The following INCENP variants were observed in gnomAD, a reference collection of about 807,000 sequenced individuals.
INCENP encodes the protein binds and activates aurora-B and -C in vivo and in vitro.
A neutral mutation model predicts 107.3 loss-of-function variants in INCENP; 43 were observed. That is an observed-to-expected ratio of 0.40 (90% CI 0.31 to 0.52). INCENP has a LOEUF of 0.52. Among genes scored for constraint, INCENP ranks in the 20% least tolerant of loss-of-function variants. INCENP has a pLI of 0.53. For synonymous variants in INCENP, 488 were observed against 494.4 expected (o/e 0.99, Z 0.17); for missense variants, 1,089 against 1,250.9 (o/e 0.87, Z 1.95).
chr11:62,127,198 A>G (rs1630011), intron 1 of INCENP, among the ~76,000 whole-genome samples: 85,467 of 151,300 alleles, frequency 0.56, 25,565 homozygotes, highest in Non-Finnish European at 0.67. Flanking sequence ...CACCATGACC[A>G]GCTAATTGTA....
At chr11:62,134,991 C>T (rs746054210) in intron 4 of INCENP, among the ~76,000 whole-genome samples, 2 of 151,948 alleles carry the variant, frequency 1.3e-5, no homozygotes, top group Admixed American at 6.6e-5. Context: ...GTGGAGGTTA[C>T]AGTGAGCTGA....
At chr11:62,131,525 A>G (rs1170865330) in intron 4 of INCENP, among the ~76,000 whole-genome samples, 4 of 151,974 alleles carry the variant, frequency 2.6e-5, no homozygotes, top group Admixed American at 6.6e-5. Context: ...TGCTGAGTGG[A>G]AAAAAAATGC....
At chr11:62,150,265 G>A in intron 18 of INCENP, 58 bp downstream of exon 18, 6 of 1,584,690 alleles carry the variant, frequency 3.8e-6, no homozygotes, top group Non-Finnish European at 4.3e-6. Flanking sequence ...CTCACCTTGA[G>A]GGCCCTGGAA....
chr11:62,141,621 G>A lies in INCENP; in HGVS notation c.1605+110G>A, dbSNP rs977394992. ...CTGTAGATGCACTAACATTGTAAGCGGGAGGGGAGCCTTAGGAAGAGAGTG... is the reference window on the plus strand; with the variant it reads ...CTGTAGATGCACTAACATTGTAAGCAGGAGGGGAGCCTTAGGAAGAGAGTG... On this transcript the variant is annotated intron_variant, in intron 11 of 18. Coordinates refer to ENST00000394818, the MANE Select transcript of INCENP (RefSeq NM_001040694.2). The A allele has an allele frequency of 5.7e-6, 8 of 1,401,422 alleles. No individual in the cohort carries two copies. The African/African-American group carries it at 8.5e-5, about 15-fold the overall frequency. The allele number at this position is 1,401,422 out of a possible 1,614,324, so 86.8% of individuals were successfully genotyped here.
chr11:62,142,091 A>T (rs1675122), intron 11 of INCENP, among the ~76,000 whole-genome samples: 130,929 of 152,250 alleles, frequency 0.86, 57,061 homozygotes, highest in Admixed American at 0.92. Flanking sequence ...CGAGCCAGGC[A>T]GGCCCTGAGC....
chr11:62,138,344 C>T (rs565512474), intron 5 of INCENP, among the ~76,000 whole-genome samples: 1 of 152,332 alleles, frequency 6.6e-6, no homozygotes, highest in African/African-American at 2.4e-5. Context: ...AACAGGGTGA[C>T]AGGGCAGACC....
chr11:62,140,600 G>C lies in INCENP; in HGVS notation c.1344-104G>C, dbSNP rs1944093696. On this transcript the variant is annotated intron_variant, in intron 8 of 18. Coordinates refer to ENST00000394818, the MANE Select transcript of INCENP (RefSeq NM_001040694.2). ...GCTCTGCAGCCTCTTTCAGTCTAGAGGCCTGTGGCCTGGGCCCGGTATTGT... is the reference window on the plus strand; with the variant it reads ...GCTCTGCAGCCTCTTTCAGTCTAGACGCCTGTGGCCTGGGCCCGGTATTGT... 3 of 955,428 alleles carry C rather than the reference G, an allele frequency of 3.1e-6. No homozygotes were observed. In the East Asian group the frequency reaches 7.8e-5, roughly 25 times the overall value. The allele number at this position is 955,428 out of a possible 1,614,324, so 59.2% of individuals were successfully genotyped here.
In INCENP at chr11:62,130,067, G is replaced by A; in HGVS notation, c.540G>A (p.Glu180=). The A allele has an allele frequency of 6.2e-7, 1 of 1,613,818 alleles. No homozygotes were observed. Among genetic ancestry groups the A allele is most frequent in the Non-Finnish European group, 8.5e-7 (1 of 1,180,028 alleles). Residue 180 remains glutamate (E), a synonymous_variant, in exon 4 of 19, where the codon GAG becomes GAA. Coordinates refer to ENST00000394818, the MANE Select transcript of INCENP (RefSeq NM_001040694.2). ...EIGISERQNA[E]QHVTQLMSTE... ...GCATCAGTGAGCGCCAGAATGCTGAGCAGCATGTCACCCAGCTCATGTCCA... is the reference window on the plus strand; with the variant it reads ...GCATCAGTGAGCGCCAGAATGCTGAACAGCATGTCACCCAGCTCATGTCCA...
At chr11:62,133,034 A>G (rs1402510050) in intron 4 of INCENP, among the ~76,000 whole-genome samples, 1 of 152,150 alleles carries the variant, frequency 6.6e-6, no homozygotes, top group Non-Finnish European at 1.5e-5. Flanking sequence ...TTTGGGTGCG[A>G]CAAGGCCGAC....
intron 1 of INCENP, among the ~76,000 whole-genome samples, chr11:62,127,326 A>G (rs1792950): frequency 0.55 from 83,327 of 151,968 alleles, 24,538 homozygotes; most frequent in Non-Finnish European, 0.67. Flanking sequence ...GAACCACTGC[A>G]CCCGGCTGGT....
At chr11:62,133,349 G>T (rs142470825) in intron 4 of INCENP, among the ~76,000 whole-genome samples, 185 of 152,314 alleles carry the variant, frequency 1.2e-3, no homozygotes, top group African/African-American at 4.0e-3. Context: ...GGGTGGAGGG[G>T]GCTTCTGGAA....
At chr11:62,151,701 C>A in intron 18 of INCENP, 61 bp from the exon 19 acceptor site, 1 of 1,425,082 alleles carries the variant, frequency 7.0e-7, no homozygotes, top group Non-Finnish European at 9.8e-7. Context: ...CTGTGGTGGG[C>A]AAGGGATGGG....
At chr11:62,128,919 G>A in intron 3 of INCENP, 36 bp downstream of exon 3, 2 of 1,377,028 alleles carry the variant, frequency 1.5e-6, no homozygotes, top group Non-Finnish European at 2.1e-6. Flanking sequence ...CTGAGCAGTG[G>A]GCTCTGCGGA....
At chr11:62,126,940 G>A (rs182929328) in intron 1 of INCENP, among the ~76,000 whole-genome samples, 2 of 152,228 alleles carry the variant, frequency 1.3e-5, no homozygotes, top group East Asian at 3.9e-4. Context: ...TTTTCCACTG[G>A]TGGTTGATTG....
At chr11:62,137,914 G>T in intron 5 of INCENP, 31 bp downstream of exon 5, 1 of 1,600,244 alleles carries the variant, frequency 6.2e-7, no homozygotes. Context: ...TCGGAGGTAG[G>T]CAGGGCATAC....
intron 15 of INCENP, among the ~76,000 whole-genome samples, chr11:62,147,444 G>A (rs201694977): frequency 1.3e-5 from 2 of 152,174 alleles, no homozygotes; most frequent in East Asian, 3.8e-4. Flanking sequence ...TCCATGTTTA[G>A]TTTTACAGGC....
chr11:62,142,245 G>A (rs190155650), intron 11 of INCENP, among the ~76,000 whole-genome samples: 250 of 152,338 alleles, frequency 1.6e-3, no homozygotes, highest in Admixed American at 4.0e-3. Flanking sequence ...TGTGACAGCC[G>A]GGAGGGCTTC....
intron 11 of INCENP, 167 bp downstream of exon 11, chr11:62,141,678 C>T (rs986838345): frequency 1.1e-6 from 1 of 903,696 alleles, no homozygotes; most frequent in Non-Finnish European, 1.8e-6. Context: ...CTGGAGGCGC[C>T]CAGCAGTTCT....
chr11:62,132,189 T>C lies in INCENP; in HGVS notation c.1063+1599T>C, dbSNP rs547903339. ...ATTTCATTTGGTCCTTACAGCAGCA[T>C]TGTTAGCTTGTGAGGAATTTTTCAC... On this transcript the variant is annotated intron_variant, in intron 4 of 18. Coordinates refer to ENST00000394818, the MANE Select transcript of INCENP (RefSeq NM_001040694.2). Among the ~76,000 whole-genome samples, 18 of 152,320 alleles carry C rather than the reference T, an allele frequency of 1.2e-4. No homozygotes were observed. The South Asian group carries it at 2.9e-3, about 25-fold the overall frequency.
Sources: allele counts gnomAD v4.1 joint callset (sites outside exome capture counted in the v4.1 genomes callset), GRCh38; gene constraint gnomAD v4.1.1; transcripts MANE v1.5; gene names NCBI Gene and HGNC (gene_info 2026-07-23, HGNC 2026-07-21).